The following NEDD4 variants were observed in gnomAD, a reference collection of about 807,000 sequenced individuals.
The protein encoded by NEDD4 is E3 ubiquitin-protein ligase NEDD4.
In NEDD4, 99 loss-of-function variants were observed where a neutral mutation model predicts 144.9. The ratio of observed to expected loss-of-function variants is 0.68; its 90% CI spans 0.58 to 0.81. NEDD4 has a LOEUF of 0.81. NEDD4 is among the 30% of genes least tolerant of loss of function. The probability of loss-of-function intolerance (pLI) is 0.00; values close to 1 mark genes in which losing one functional copy is unlikely to be tolerated. For missense variants in NEDD4, 985 were observed against 1,065.9 expected, an observed-to-expected ratio of 0.92 and a Z score of 1.06; for synonymous variants, 318 against 350.6, an observed-to-expected ratio of 0.91 and a Z score of 1.04.
chr15:55,872,289 T>C (rs2034828929), intron 7 of NEDD4, 126 bp downstream of exon 7: 2 of 255,324 alleles, frequency 7.8e-6, no homozygotes, highest in African/African-American at 4.6e-5. Flanking sequence ...ATAATAATAA[T>C]AATAATAATA....
intron 1 of NEDD4, among the ~76,000 whole-genome samples, chr15:55,990,514 C>G (rs1198752165): frequency 6.6e-6 from 1 of 152,120 alleles, no homozygotes; most frequent in East Asian, 1.9e-4. Context: ...AGCAAGTTAC[C>G]AGATACTGGA....
At position 55,838,535 on chromosome 15, in the gene NEDD4, T is replaced by G; in HGVS notation, c.2101A>C (p.Ile701Leu). The change falls in exon 22 of 29, where the codon ATC becomes CTC. Residue 701 changes from isoleucine (I) to leucine (L), a missense_variant. By Grantham distance (5) the Ile-to-Leu change is conservative. Transcript: ENST00000435532. ...TGTCCAAAAAGTTCTTCATCTATGA[T>G]AAACCTGAGGTCCAATTCTGTTGGG... is the stretch of plus-strand genomic sequence containing the variant. The part of the protein sequence containing the change: ...NDPTELDLRF[I>L]IDEELFGQTH... The G allele has an allele frequency of 1.2e-6, 2 of 1,612,858 alleles. No individual in the cohort carries two copies. The highest frequency in any genetic ancestry group is 1.7e-6 in the Non-Finnish European group (2 of 1,179,354).
chr15:55,877,361 T>C (rs1354435631), intron 5 of NEDD4, among the ~76,000 whole-genome samples: 1 of 152,226 alleles, frequency 6.6e-6, no homozygotes, highest in African/African-American at 2.4e-5. Flanking sequence ...TTCTTCATGG[T>C]TGAATTTAGA....
intron 18 of NEDD4, among the ~76,000 whole-genome samples, chr15:55,843,370 A>G (rs1027693638): frequency 1.3e-5 from 2 of 152,236 alleles, no homozygotes; most frequent in Non-Finnish European, 2.9e-5. Flanking sequence ...AAGACGACTT[A>G]AGAAAGTCTT....
chr15:55,883,670 G>C (rs1199847760), intron 5 of NEDD4, among the ~76,000 whole-genome samples: 1 of 147,812 alleles, frequency 6.8e-6, no homozygotes, highest in African/African-American at 2.5e-5. Context: ...CCTAGTTCCA[G>C]GCATCTCAAC....
rs759866026 is a variant in NEDD4, at chr15:55,915,446, A to G, written c.291+9200T>C. ...TGGATAGACAGGAAATATTTGGATA[A>G]GCTCCTCCCAATGAAATACTTCTTC... On this transcript the variant is annotated intron_variant, in intron 5 of 28. Coordinates refer to ENST00000435532, the MANE Select transcript of NEDD4 (RefSeq NM_006154.4). 5.0e-6 allele frequency: 8 copies of G among 1,613,822 alleles called. No individual in the cohort carries two copies. The South Asian group carries it at 8.8e-5, about 18-fold the overall frequency.
intron 1 of NEDD4, among the ~76,000 whole-genome samples, chr15:55,975,659 A>G (rs1324936645): frequency 6.6e-6 from 1 of 152,144 alleles, no homozygotes; most frequent in Non-Finnish European, 1.5e-5. Context: ...AAAATATTCC[A>G]TGTTCATGGA....
chr15:55,940,864 G>A (rs1434643710), intron 4 of NEDD4, among the ~76,000 whole-genome samples: 1 of 151,516 alleles, frequency 6.6e-6, no homozygotes, highest in African/African-American at 2.4e-5. Context: ...CAAAAAGAAT[G>A]GCAATATTTT....
chr15:55,902,637 G>A (rs1051909887), intron 5 of NEDD4, among the ~76,000 whole-genome samples: 11 of 151,988 alleles, frequency 7.2e-5, no homozygotes, highest in African/African-American at 1.2e-4. Flanking sequence ...TTTCCCTAAC[G>A]AAAAGTTTTA....
chr15:55,899,709 T>C (rs1219498449), intron 5 of NEDD4, among the ~76,000 whole-genome samples: 2 of 152,210 alleles, frequency 1.3e-5, no homozygotes, highest in Admixed American at 6.5e-5. Context: ...TGAGACCTAA[T>C]GTTCTAGGGG....
intron 4 of NEDD4, among the ~76,000 whole-genome samples, chr15:55,938,911 G>C (rs1442838378): frequency 6.6e-6 from 1 of 152,038 alleles, no homozygotes; most frequent in Non-Finnish European, 1.5e-5. Flanking sequence ...TCTGAGACCA[G>C]CCTGGGCAAA....
chr15:55,895,692 G>A (rs1337358298), intron 5 of NEDD4, among the ~76,000 whole-genome samples: 1 of 152,178 alleles, frequency 6.6e-6, no homozygotes, highest in Non-Finnish European at 1.5e-5. Context: ...GTTCTTGGGT[G>A]ATACTAATGC....
intron 5 of NEDD4, among the ~76,000 whole-genome samples, chr15:55,896,125 A>G (rs1488519582): frequency 6.6e-6 from 1 of 152,096 alleles, no homozygotes; most frequent in African/African-American, 2.4e-5. Context: ...CAATGATCCT[A>G]TATTTTGCCC....
chr15:55,844,295 T>A (rs2033646487), intron 18 of NEDD4, among the ~76,000 whole-genome samples: 1 of 152,076 alleles, frequency 6.6e-6, no homozygotes, highest in South Asian at 2.1e-4. Flanking sequence ...AGTTTCTGGG[T>A]TGGGGAGCCA....
chr15:55,837,290 C>T lies in NEDD4; in HGVS notation c.2262+499G>A, dbSNP rs546278944. Among the ~76,000 whole-genome samples the T allele has an allele frequency of 2.0e-5, 3 of 151,966 alleles. No individual in the cohort carries two copies. In the South Asian group the frequency reaches 6.2e-4, roughly 32 times the overall value. On this transcript the variant is annotated intron_variant, in intron 24 of 28. Coordinates refer to ENST00000435532, the MANE Select transcript of NEDD4 (RefSeq NM_006154.4). ...ACTAAAAATACAAAAATTAGCCAGG[C>T]GTGGTGGCGGGCACCTGTAATCCCA...
intron 4 of NEDD4, among the ~76,000 whole-genome samples, chr15:55,949,377 G>A (rs1259493794): frequency 1.3e-5 from 2 of 152,194 alleles, no homozygotes; most frequent in African/African-American, 4.8e-5. Flanking sequence ...TTCAACCATT[G>A]TGGAAGACAG....
chr15:55,854,132 G>C (rs1410271009), intron 12 of NEDD4, among the ~76,000 whole-genome samples: 3 of 152,032 alleles, frequency 2.0e-5, no homozygotes, highest in African/African-American at 4.8e-5. Context: ...CTGGACAACA[G>C]AGCAAGACTC....
intron 23 of NEDD4, 103 bp downstream of exon 23, chr15:55,838,004 C>T (rs2033291221): frequency 1.1e-6 from 1 of 930,830 alleles, no homozygotes; most frequent in East Asian, 2.6e-5. Context: ...AAAAAGAACA[C>T]TGAGATTCTG....
Position 55,852,510 on chromosome 15 carries a change from A to AACCTG in NEDD4, c.1055_1059dup (p.Trp354GlnfsTer16). ...CCTCTTTCATCTTGTTTTTCTTCCC[A>AACCTG]ACCTGGTGGTAATCCAGATGAAGTA... is the stretch of plus-strand genomic sequence containing the variant. On this transcript the variant is annotated frameshift_variant, in exon 13 of 29. Coordinates refer to ENST00000435532, the MANE Select transcript of NEDD4 (RefSeq NM_006154.4). LOFTEE classifies it high-confidence loss of function. 1 of 1,613,032 alleles carries AACCTG rather than the reference A, an allele frequency of 6.2e-7. No homozygotes were observed. Among genetic ancestry groups the AACCTG allele is most frequent in the Non-Finnish European group, 8.5e-7 (1 of 1,179,502 alleles).
Sources: allele counts gnomAD v4.1 joint callset (sites outside exome capture counted in the v4.1 genomes callset), GRCh38; gene constraint gnomAD v4.1.1; transcripts MANE v1.5; gene names NCBI Gene and HGNC (gene_info 2026-07-23, HGNC 2026-07-21).